Variants in ZNF521 observed in about 807,000 individuals in gnomAD.
The protein encoded by ZNF521 is LYST-interacting protein 3.
Under a neutral mutation model 105.5 loss-of-function variants are expected in ZNF521, and 14 were observed. The observed-to-expected ratio is 0.13, with a 90% confidence interval of 0.09 to 0.21. ZNF521 has a LOEUF of 0.21. ZNF521 is among the 10% of genes least tolerant of loss of function. The pLI, the probability that ZNF521 is intolerant of heterozygous loss-of-function variation, is 1.00. For synonymous variants in ZNF521, 635 were observed against 606.0 expected (o/e 1.05, Z -0.70); for missense variants, 1,233 against 1,629.7 (o/e 0.76, Z 4.19).
intron 5 of ZNF521, among the ~76,000 whole-genome samples, chr18:25,185,378 T>C (rs2035703076): frequency 6.6e-6 from 1 of 152,114 alleles, no homozygotes; most frequent in East Asian, 1.9e-4. Flanking sequence ...TGAATGGTGA[T>C]TGGTATGTGC....
intron 5 of ZNF521, among the ~76,000 whole-genome samples, chr18:25,190,032 A>G (rs2035790664): frequency 6.6e-6 from 1 of 152,266 alleles, no homozygotes; most frequent in African/African-American, 2.4e-5. Context: ...GCTATTAAAG[A>G]GAAAGTATCC....
At chr18:25,110,218 C>T (rs1011019400) in intron 5 of ZNF521, among the ~76,000 whole-genome samples, 1 of 152,122 alleles carries the variant, frequency 6.6e-6, no homozygotes, top group Admixed American at 6.6e-5. Context: ...GTGGGTCTTG[C>T]AGGATCTGGG....
intron 2 of ZNF521, among the ~76,000 whole-genome samples, chr18:25,329,093 G>C (rs998718095): frequency 6.6e-6 from 1 of 152,162 alleles, no homozygotes; most frequent in Non-Finnish European, 1.5e-5. Flanking sequence ...AGTTGATCAA[G>C]GCCCTGGAGA....
At chr18:25,089,712 G>C (rs1259921106) in intron 6 of ZNF521, 132 bp from the exon 7 acceptor site, 1 of 693,640 alleles carries the variant, frequency 1.4e-6, no homozygotes, top group African/African-American at 1.8e-5. Flanking sequence ...GAGACCTGGG[G>C]AGAGCTGAGT....
intron 4 of ZNF521, among the ~76,000 whole-genome samples, chr18:25,215,446 A>ATTTATT (rs1163392565): frequency 6.6e-6 from 1 of 152,166 alleles, no homozygotes; most frequent in Non-Finnish European, 1.5e-5. Context: ...TTCTTTCATC[A>ATTTATT]TTTAAAATCA....
chr18:25,225,939 A>C lies in ZNF521; in HGVS notation c.1979T>G (p.Val660Gly), dbSNP rs1311999713. 4.3e-6 allele frequency: 7 copies of C among 1,614,012 alleles called. No individual in the cohort carries two copies. The highest frequency in any genetic ancestry group is 5.9e-6 in the Non-Finnish European group (7 of 1,180,040). ...QTHLKTHLDT[V>G]LPKLTCPQCN... ...CTGAGGACAGGTCAATTTTGGAAGCACAGTGTCGAGATGAGTTTTTAGGTG... is the reference window on the plus strand; with the variant it reads ...CTGAGGACAGGTCAATTTTGGAAGCCCAGTGTCGAGATGAGTTTTTAGGTG... Residue 660 changes from valine (V) to glycine (G), a missense_variant, in exon 4 of 8, where the codon GTG (valine) becomes GGG (glycine). Val to Gly is a moderately radical substitution (Grantham distance 109). Around this residue, in one of 6 missense-constraint regions of ZNF521, gnomAD observed 614 missense variants for 751.5 expected, o/e 0.82. Coordinates refer to ENST00000361524, the MANE Select transcript of ZNF521 (RefSeq NM_015461.3). The surrounding 1 kb of genome is among the most constrained non-coding windows in gnomAD (Gnocchi z 5.6).
intron 3 of ZNF521, among the ~76,000 whole-genome samples, chr18:25,298,001 A>G (rs1175406404): frequency 6.6e-6 from 1 of 152,152 alleles, no homozygotes; most frequent in African/African-American, 2.4e-5. Context: ...CTCTCTATGT[A>G]CCAGGTCCTG....
intron 3 of ZNF521, among the ~76,000 whole-genome samples, chr18:25,250,954 A>G (rs1274321974): frequency 6.6e-6 from 1 of 152,248 alleles, no homozygotes; most frequent in Non-Finnish European, 1.5e-5. Flanking sequence ...TAAATTTTAG[A>G]TTTGCAAGTA....
intron 3 of ZNF521, among the ~76,000 whole-genome samples, chr18:25,283,352 G>C (rs1265931406): frequency 6.6e-6 from 1 of 152,170 alleles, no homozygotes; most frequent in Non-Finnish European, 1.5e-5. Flanking sequence ...GAATTTGCCA[G>C]CACTTAGCAA....
chr18:25,192,013 AAG>A (rs1418067766), intron 5 of ZNF521, among the ~76,000 whole-genome samples: 1 of 152,142 alleles, frequency 6.6e-6, no homozygotes, highest in Non-Finnish European at 1.5e-5. Context: ...TGAGCAAAGG[AAG>A]AGAGGAAAAA....
intron 4 of ZNF521, among the ~76,000 whole-genome samples, chr18:25,211,432 A>G (rs972808419): frequency 1.3e-5 from 2 of 152,196 alleles, no homozygotes; most frequent in African/African-American, 4.8e-5. Context: ...CCTCCTATGC[A>G]GCCCTCCCAG....
rs1382007054 is a variant in ZNF521, at chr18:25,351,051, G to C, written c.-1-104C>G. 52 of 876,384 alleles carry C rather than the reference G, an allele frequency of 5.9e-5. No homozygotes were observed. In the South Asian group the frequency reaches 8.0e-4, roughly 14 times the overall value. The allele number at this position is 876,384 out of a possible 1,614,324, so 54.3% of individuals were successfully genotyped here. ...CCGCGGCGCCTCGCGCCCTCCGCTC[G>C]GCCTCCCTCGCGCCCTCGCTCCGCG... On this transcript the variant is annotated intron_variant, in intron 1 of 7. Coordinates refer to ENST00000361524, the MANE Select transcript of ZNF521 (RefSeq NM_015461.3).
chr18:25,263,327 T>C (rs1248042429), intron 3 of ZNF521, among the ~76,000 whole-genome samples: 1 of 150,210 alleles, frequency 6.7e-6, no homozygotes, highest in African/African-American at 2.5e-5. Context: ...CTCTGATTGA[T>C]GAAAAAAAAA....
At chr18:25,307,571 C>T (rs2145094367) in intron 3 of ZNF521, among the ~76,000 whole-genome samples, 1 of 152,296 alleles carries the variant, frequency 6.6e-6, no homozygotes, top group East Asian at 1.9e-4. Flanking sequence ...TTTCCTGGTT[C>T]ATTGCAGTAA....
At chr18:25,167,833 T>C (rs2035373569) in intron 5 of ZNF521, among the ~76,000 whole-genome samples, 2 of 152,194 alleles carry the variant, frequency 1.3e-5, no homozygotes, top group Non-Finnish European at 2.9e-5. Context: ...GCAGTGCTGT[T>C]CCGCTCCCTC....
intron 3 of ZNF521, among the ~76,000 whole-genome samples, chr18:25,264,472 C>G (rs1052406558): frequency 6.6e-6 from 1 of 152,090 alleles, no homozygotes; most frequent in African/African-American, 2.4e-5. Context: ...CTGGGATCAG[C>G]TCATTTTTAT....
intron 1 of ZNF521, 36 bp downstream of exon 1, chr18:25,351,969 A>AAGGAGT: frequency 2.7e-6 from 1 of 365,218 alleles, no homozygotes. Context: ...GGAGGAGGAG[A>AAGGAGT]AGGAGTGTGC....
chr18:25,245,504 G>A (rs550619729), intron 3 of ZNF521, among the ~76,000 whole-genome samples: 1 of 152,300 alleles, frequency 6.6e-6, no homozygotes, highest in South Asian at 2.1e-4. Context: ...ATGCAAGACA[G>A]GGAAGAAGGT....
chr18:25,112,390 CT>C (rs1268086034), intron 5 of ZNF521, among the ~76,000 whole-genome samples: 1 of 152,138 alleles, frequency 6.6e-6, no homozygotes, highest in Non-Finnish European at 1.5e-5. Flanking sequence ...AGGCGTACCC[CT>C]GCCCACTACA....
Sources: allele counts gnomAD v4.1 joint callset (sites outside exome capture counted in the v4.1 genomes callset), GRCh38; gene constraint gnomAD v4.1.1; regional missense constraint gnomAD v4.1.1; non-coding constraint Gnocchi (gnomAD v3.1); transcripts MANE v1.5; gene names NCBI Gene and HGNC (gene_info 2026-07-23, HGNC 2026-07-21).